The following PPFIBP2 variants were observed in gnomAD, a reference collection of about 807,000 sequenced individuals.
PPFIBP2 encodes PPFIB scaffold protein 2, also known as liprin-beta-2.
Under a neutral mutation model 118.3 loss-of-function variants are expected in PPFIBP2, and 118 were observed. That is an observed-to-expected ratio of 1.00 (90% confidence interval 0.86 to 1.16). The LOEUF (loss-of-function observed/expected upper bound fraction) is 1.16, where lower values mean the gene tolerates loss of function less well. Ranked by LOEUF, PPFIBP2 falls within the 50% of genes most tolerant of loss-of-function variation. The pLI, the probability that PPFIBP2 is intolerant of heterozygous loss-of-function variation, is 0.00. For missense variants in PPFIBP2, 1,195 were observed against 1,073.1 expected, an observed-to-expected ratio of 1.11 and a Z score of -1.59; for synonymous variants, 414 against 397.4, an observed-to-expected ratio of 1.04 and a Z score of -0.50.
intron 14 of PPFIBP2, among the ~76,000 whole-genome samples, chr11:7,635,873 C>T (rs1425754121): frequency 6.6e-6 from 1 of 152,186 alleles, no homozygotes; most frequent in South Asian, 2.1e-4. Flanking sequence ...TAGATTTAAT[C>T]ACTGGGAAGG....
chr11:7,628,185 A>T, intron 8 of PPFIBP2, 100 bp from the exon 9 acceptor site: 1 of 977,954 alleles, frequency 1.0e-6, no homozygotes, highest in South Asian at 1.6e-5. Context: ...AGCCATGTTC[A>T]CATGGCAAGT....
At chr11:7,607,695 G>T (rs977326814) in intron 5 of PPFIBP2, among the ~76,000 whole-genome samples, 3 of 151,382 alleles carry the variant, frequency 2.0e-5, no homozygotes, top group Non-Finnish European at 4.4e-5. Flanking sequence ...ACATTTTCTT[G>T]TGGACCTTGA....
At position 7,565,662 on chromosome 11, in the gene PPFIBP2, G is replaced by T; in HGVS notation, c.174G>T (p.Arg58Ser). 6.2e-7 allele frequency: 1 copy of T among 1,614,188 alleles called. No homozygotes were observed. The highest frequency in any genetic ancestry group is 1.3e-5 in the African/African-American group (1 of 75,052). Residue 58 changes from arginine to serine, a missense_variant, in exon 3 of 24, where the codon AGG becomes AGT. Transcript: ENST00000299492. ...FPVLHLIEDL[R>S]LALEMLELPQ... ...TGCTCCATCTCATCGAGGACTTGAG[G>T]CTGGCCTTGGAGATGCTGGAGCTTC...
At chr11:7,602,086 TC>T (rs1173451176) in intron 5 of PPFIBP2, among the ~76,000 whole-genome samples, 5 of 20,616 alleles carry the variant, frequency 2.4e-4, no homozygotes, top group East Asian at 1.8e-3. Flanking sequence ...AGAATGAAAC[TC>T]AAAAAAAAAA....
chr11:7,645,023 T>A, intron 17 of PPFIBP2, among the ~76,000 whole-genome samples: 1 of 49,016 alleles, frequency 2.0e-5, no homozygotes, highest in Non-Finnish European at 3.3e-5. Flanking sequence ...CAAGACTCCG[T>A]CTCAAAAAAA....
At position 7,648,919 on chromosome 11, in the gene PPFIBP2, T is replaced by C; in HGVS notation, c.1909+8T>C. 1 of 1,603,964 alleles carries C rather than the reference T, an allele frequency of 6.2e-7. No individual in the cohort carries two copies. Among genetic ancestry groups the C allele is most frequent in the Non-Finnish European group, 8.5e-7 (1 of 1,170,958 alleles). On this transcript the variant is annotated splice_region_variant and intron_variant, in intron 19 of 23. Transcript: ENST00000299492. The stretch of plus-strand genomic sequence containing the variant: ...ACCACATTTGGGTGACAAGTAAGGA[T>C]AGGCATATATGTATTAAGAATGTCT...
intron 1 of PPFIBP2, among the ~76,000 whole-genome samples, chr11:7,547,316 G>A (rs1384684205): frequency 6.6e-6 from 1 of 152,100 alleles, no homozygotes; most frequent in Non-Finnish European, 1.5e-5. Context: ...TGGAGGGCTC[G>A]GGAGCAGACA....
intron 3 of PPFIBP2, among the ~76,000 whole-genome samples, chr11:7,581,256 A>C (rs1188088356): frequency 6.6e-6 from 1 of 152,178 alleles, no homozygotes; most frequent in East Asian, 1.9e-4. Context: ...AACCATGAAC[A>C]CACCTCTAAA....
At chr11:7,589,333 C>A (rs774556457) in intron 3 of PPFIBP2, among the ~76,000 whole-genome samples, 1 of 152,120 alleles carries the variant, frequency 6.6e-6, no homozygotes, top group Admixed American at 6.5e-5. Context: ...GTGGCTCATG[C>A]CTGTAATCTC....
In PPFIBP2 at chr11:7,599,779, T is replaced by C. The variant is rs1039518277; in HGVS notation, c.486+2106T>C. On this transcript the variant is annotated intron_variant, in intron 5 of 23. Coordinates refer to ENST00000299492, the MANE Select transcript of PPFIBP2 (RefSeq NM_003621.5). ...CCAAGTAGCTGGGACTACAGGTGCC[T>C]GCCACCACGCCCGGCTAATTTTTTT... Among the ~76,000 whole-genome samples the C allele has an allele frequency of 4.6e-5, 7 of 150,568 alleles. No individual in the cohort carries two copies. In the South Asian group the frequency reaches 1.3e-3, roughly 27 times the overall value.
intron 6 of PPFIBP2, 49 bp from the exon 7 acceptor site, chr11:7,620,886 A>G (rs768965314): frequency 3.6e-6 from 5 of 1,375,432 alleles, no homozygotes; most frequent in Admixed American, 1.7e-5. Context: ...GTAAATCAAG[A>G]GCACATCTTT....
At chr11:7,665,853 C>G in the PPFIBP2 span, 5 of 1,535,840 alleles carry the variant, frequency 3.3e-6, no homozygotes, top group African/African-American at 5.5e-5. Flanking sequence ...GTACAGCCAG[C>G]TGGAGTTGTC....
intron 3 of PPFIBP2, among the ~76,000 whole-genome samples, chr11:7,581,045 C>T (rs1057342567): frequency 1.3e-5 from 2 of 152,208 alleles, no homozygotes; most frequent in African/African-American, 4.8e-5. Flanking sequence ...CATAGGTGAC[C>T]AGAGGCCTCA....
At chr11:7,556,524 G>A (rs564377525) in intron 2 of PPFIBP2, among the ~76,000 whole-genome samples, 7 of 152,174 alleles carry the variant, frequency 4.6e-5, no homozygotes, top group East Asian at 1.9e-4. Context: ...CATTATTTTC[G>A]TTCAGTATTC....
Position 7,653,696 on chromosome 11 carries a change from T to C in PPFIBP2, c.*478T>C, listed in dbSNP as rs1486885634. ...TGCCACAGTGACAATGGAATTGTGT[T>C]GTGCCTTACTTCAGAGGTGGTCTCT... On this transcript the variant is annotated 3_prime_UTR_variant, in exon 24 of 24. Transcript: ENST00000299492. The C allele has an allele frequency of 3.1e-6, 4 of 1,280,780 alleles. No homozygotes were observed. Among genetic ancestry groups the C allele is most frequent in the East Asian group, 5.6e-5 (1 of 17,972 alleles). The allele number at this position is 1,280,780 out of a possible 1,614,324, so 79.3% of individuals were successfully genotyped here.
At chr11:7,518,410 G>A (rs1849430631) in intron 1 of PPFIBP2, among the ~76,000 whole-genome samples, 2 of 151,996 alleles carry the variant, frequency 1.3e-5, no homozygotes, top group African/African-American at 4.8e-5. Flanking sequence ...ACCACTTTAT[G>A]GGCACCCTTT....
intron 3 of PPFIBP2, chr11:7,568,878 CTT>C (rs891855338): frequency 1.1e-4 from 16 of 152,230 alleles, no homozygotes; most frequent in African/African-American, 3.9e-4. Flanking sequence ...ACATTAAAGA[CTT>C]TTAATTTATT....
chr11:7,631,484 G>A (rs1565092317), intron 11 of PPFIBP2, among the ~76,000 whole-genome samples: 2 of 152,012 alleles, frequency 1.3e-5, no homozygotes, highest in African/African-American at 4.8e-5. Context: ...ATTCCTGCTT[G>A]ACAGATACGC....
chr11:7,654,897 A>C (rs978122406), downstream of PPFIBP2, among the ~76,000 whole-genome samples: 1 of 152,168 alleles, frequency 6.6e-6, no homozygotes, highest in African/African-American at 2.4e-5. Context: ...AAATTTACAG[A>C]GGATGTTTCC....
Sources: allele counts gnomAD v4.1 joint callset (sites outside exome capture counted in the v4.1 genomes callset), GRCh38; gene constraint gnomAD v4.1.1; transcripts MANE v1.5; gene names NCBI Gene and HGNC (gene_info 2026-07-23, HGNC 2026-07-21).